Variants in DNAJC3 observed in about 807,000 individuals in gnomAD.
DNAJC3 encodes the protein DnaJ heat shock protein family (Hsp40) member C3, also known as dnaJ homolog subfamily C member 3.
Under a neutral mutation model 68.6 loss-of-function variants are expected in DNAJC3, and 38 were observed. The ratio of observed to expected loss-of-function variants is 0.55; its 90% CI spans 0.43 to 0.73. The LOEUF is 0.73. DNAJC3 is among the 30% of genes least tolerant of loss of function. The pLI is 0.00. For synonymous variants in DNAJC3, 203 were observed against 204.0 expected (o/e 1.00, Z 0.04); for missense variants, 526 against 591.9 (o/e 0.89, Z 1.16).
intron 1 of DNAJC3, among the ~76,000 whole-genome samples, chr13:95,683,333 G>A (rs1879975622): frequency 6.6e-6 from 1 of 152,188 alleles, no homozygotes; most frequent in South Asian, 2.1e-4. Flanking sequence ...ATGTTCAGCT[G>A]TAATCCCCAG....
chr13:95,775,221 A>C (rs2139687603), intron 9 of DNAJC3, among the ~76,000 whole-genome samples: 1 of 152,320 alleles, frequency 6.6e-6, no homozygotes, highest in East Asian at 1.9e-4. Flanking sequence ...CATGTCCTGC[A>C]CTTGACTGTA....
At chr13:95,726,017 T>C (rs1317022811) in intron 4 of DNAJC3, among the ~76,000 whole-genome samples, 3 of 152,108 alleles carry the variant, frequency 2.0e-5, no homozygotes, top group African/African-American at 7.2e-5. Flanking sequence ...TCATTTTTTA[T>C]GGCTGTATAG....
chr13:95,719,484 A>G (rs558187583), intron 2 of DNAJC3, among the ~76,000 whole-genome samples: 2 of 152,274 alleles, frequency 1.3e-5, no homozygotes, highest in Middle Eastern at 6.8e-3. Flanking sequence ...TCAAAGTTCC[A>G]ACCTTTTCAC....
At chr13:95,709,950 T>C (rs1181433578) in intron 2 of DNAJC3, among the ~76,000 whole-genome samples, 1 of 152,198 alleles carries the variant, frequency 6.6e-6, no homozygotes, top group Non-Finnish European at 1.5e-5. Context: ...GCTTCTGACT[T>C]TTTGAACAGA....
intron 10 of DNAJC3, among the ~76,000 whole-genome samples, chr13:95,786,279 G>C (rs1008809309): frequency 1.3e-5 from 2 of 152,114 alleles, no homozygotes; most frequent in African/African-American, 4.8e-5. Context: ...TGCAACAACA[G>C]AATTAGTAGT....
rs745762560 is a variant in DNAJC3 at position 95,793,380 on chromosome 13, G to GAGAT, written c.*2353_*2356dup. 5 of 66,164 alleles carry GAGAT rather than the reference G, an allele frequency of 7.6e-5. No individual in the cohort carries two copies. The highest frequency in any genetic ancestry group is 8.2e-3 in the Middle Eastern group (1 of 122). The allele number at this position is 66,164 out of a possible 1,614,324, so 4.1% of individuals were successfully genotyped here. On this transcript the variant is annotated 3_prime_UTR_variant, in exon 12 of 12. Coordinates refer to ENST00000602402, the MANE Select transcript of DNAJC3 (RefSeq NM_006260.5). ...CTGAGAAGCAGCCTGGGTGTGTAAAGAGATAGTCATTCCCCCTGCCTGTCT... is the reference window on the plus strand; with the variant it reads ...CTGAGAAGCAGCCTGGGTGTGTAAAGAGATAGATAGTCATTCCCCCTGCCTGTCT...
intron 4 of DNAJC3, among the ~76,000 whole-genome samples, chr13:95,727,470 T>A (rs530606246): frequency 6.6e-6 from 1 of 152,332 alleles, no homozygotes; most frequent in Non-Finnish European, 1.5e-5. Context: ...TTTTTTTAGC[T>A]CTTACTATTG....
intron 4 of DNAJC3, among the ~76,000 whole-genome samples, chr13:95,747,408 G>A (rs188073959): frequency 5.3e-5 from 8 of 152,272 alleles, no homozygotes; most frequent in African/African-American, 1.4e-4. Flanking sequence ...GGATGCATCC[G>A]TGTAAGCAAG....
chr13:95,783,654 G>A (rs1883514371), intron 9 of DNAJC3, among the ~76,000 whole-genome samples: 1 of 152,184 alleles, frequency 6.6e-6, no homozygotes, highest in South Asian at 2.1e-4. Flanking sequence ...AGATTGAAGG[G>A]TCCCCTTCCC....
rs145873080 is a variant in DNAJC3 at position 95,684,850 on chromosome 13, G to A, written c.82+7513G>A. On this transcript the variant is annotated intron_variant, in intron 1 of 11. Transcript: ENST00000602402. ...CCCAAACCCTTGGAAGATTCCACAT[G>A]CTGTTAAGCCTGCAGGTGCTGAAAG... Among the ~76,000 whole-genome samples, 805 of 152,374 alleles carry A rather than the reference G, an allele frequency of 5.3e-3. 9 individuals carry two copies. Among genetic ancestry groups the A allele is most frequent in the African/African-American group, 0.019 (773 of 41,588 alleles).
chr13:95,764,057 A>G (rs1264388752), intron 9 of DNAJC3, 104 bp downstream of exon 9: 1 of 1,498,614 alleles, frequency 6.7e-7, no homozygotes, highest in Non-Finnish European at 8.9e-7. Flanking sequence ...AGTACCTGGA[A>G]ATGTTGACAA....
chr13:95,760,995 A>G (rs557889041), intron 7 of DNAJC3, among the ~76,000 whole-genome samples, 197 bp downstream of exon 7: 2 of 152,238 alleles, frequency 1.3e-5, no homozygotes, highest in Non-Finnish European at 2.9e-5. Context: ...ACTGTGTAGT[A>G]TCCTTACCAG....
chr13:95,750,535 A>C (rs1335097214), intron 4 of DNAJC3, among the ~76,000 whole-genome samples: 3 of 148,186 alleles, frequency 2.0e-5, no homozygotes. Context: ...TTTGAGATGG[A>C]GTTTTGGTCT....
Position 95,753,783 on chromosome 13 carries a change from A to G in DNAJC3, c.394-3861A>G, listed in dbSNP as rs774896348. ...TTTTGGAGTACTTGCTATGTGTTAC[A>G]TAGAGTATCTTCTTAATCTCTCAGT... On this transcript the variant is annotated intron_variant, in intron 4 of 11. Coordinates refer to ENST00000602402, the MANE Select transcript of DNAJC3 (RefSeq NM_006260.5). Among the ~76,000 whole-genome samples, 8 of 152,342 alleles carry G rather than the reference A, an allele frequency of 5.3e-5. 1 individual carries two copies. The highest frequency in any genetic ancestry group is 7.3e-5 in the Non-Finnish European group (5 of 68,034).
chr13:95,752,879 C>G (rs7994177), intron 4 of DNAJC3, among the ~76,000 whole-genome samples: 10,584 of 152,192 alleles, frequency 0.07, 438 homozygotes, highest in East Asian at 0.14. Flanking sequence ...AGAAATTTGG[C>G]CTGTCCTGTT....
intron 4 of DNAJC3, among the ~76,000 whole-genome samples, chr13:95,753,774 ATG>A (rs1167628306): frequency 6.6e-6 from 1 of 152,190 alleles, no homozygotes; most frequent in Non-Finnish European, 1.5e-5. Flanking sequence ...AGTACTTGCT[ATG>A]TGTTACATAG....
chr13:95,760,902 G>A, intron 7 of DNAJC3, 104 bp downstream of exon 7: 2 of 1,463,936 alleles, frequency 1.4e-6, no homozygotes. Flanking sequence ...CATTGAGGGT[G>A]GGGTATTCTA....
intron 2 of DNAJC3, among the ~76,000 whole-genome samples, chr13:95,713,786 G>A (rs1313223033): frequency 6.6e-6 from 1 of 152,194 alleles, no homozygotes; most frequent in Non-Finnish European, 1.5e-5. Flanking sequence ...AGTCCAAATA[G>A]CAACCCCTTC....
At chr13:95,721,329 G>A (rs1881315790) in intron 2 of DNAJC3, among the ~76,000 whole-genome samples, 1 of 152,160 alleles carries the variant, frequency 6.6e-6, no homozygotes, top group South Asian at 2.1e-4. Context: ...GGACTTCGGG[G>A]TTGTTTCTGC....
Sources: gnomAD v4.1 joint callset for allele counts (sites outside exome capture counted in the v4.1 genomes callset) on GRCh38, gnomAD v4.1.1 for gene constraint, MANE v1.5 for transcripts, NCBI Gene and HGNC (gene_info 2026-07-23, HGNC 2026-07-21) for gene names.